HIGD2B: variants seen among roughly 807,000 people sequenced by gnomAD.
The protein encoded by HIGD2B is HIG1 domain family member 2B.
For synonymous variants in HIGD2B, 45 were observed against 28.1 expected (o/e 1.60, Z -1.90); for missense variants, 106 against 67.0 (o/e 1.58, Z -2.03).
In HIGD2B at chr15:72,685,934, C is replaced by G; in HGVS notation, c.-309G>C. The G allele has an allele frequency of 1.9e-6, 1 of 539,186 alleles. No individual in the cohort carries two copies. 33.4% of individuals were successfully genotyped at this position (539,186 alleles called of 1,614,324 possible). On this transcript the variant is annotated 5_prime_UTR_variant, in exon 1 of 3. Transcript: ENST00000311755. The stretch of plus-strand genomic sequence containing the variant: ...AGAACTAGGCTGCCATCCCAGGTGG[C>G]TGGCCTACCAGCCAGCGCGGCCGGA...
At chr15:72,676,478 C>T (rs1478763384) in intron 2 of HIGD2B, 91 bp from the exon 3 acceptor site, 2 of 603,326 alleles carry the variant, frequency 3.3e-6, no homozygotes, top group Non-Finnish European at 5.9e-6. Flanking sequence ...AACCTTGGCT[C>T]ACTGAAACCT....
intron 2 of HIGD2B, among the ~76,000 whole-genome samples, chr15:72,676,802 T>C (rs1595890950): frequency 2.6e-5 from 4 of 152,206 alleles, no homozygotes. Flanking sequence ...CTGCAGGGGT[T>C]AGGAATGGGG....
At chr15:72,679,855 C>T (rs1217913729) in intron 2 of HIGD2B, among the ~76,000 whole-genome samples, 160 bp downstream of exon 2, 1 of 152,104 alleles carries the variant, frequency 6.6e-6, no homozygotes, top group Non-Finnish European at 1.5e-5. Flanking sequence ...GCAGAAAGTA[C>T]CTCTTTCTGC....
chr15:72,684,987 G>A (rs1388012418), intron 1 of HIGD2B, among the ~76,000 whole-genome samples: 1 of 152,170 alleles, frequency 6.6e-6, no homozygotes, highest in Non-Finnish European at 1.5e-5. Context: ...GTTTCACCAT[G>A]CTGGCCAAGC....
Position 72,685,901 on chromosome 15 carries a change from G to T in HIGD2B, c.-276C>A. The T allele has an allele frequency of 2.0e-6, 1 of 498,366 alleles. No homozygotes were observed. Among genetic ancestry groups the T allele is most frequent in the Non-Finnish European group, 3.7e-6 (1 of 272,272 alleles). The allele number at this position is 498,366 out of a possible 1,614,324, so 30.9% of individuals were successfully genotyped here. A position where few individuals can be genotyped will look rare whatever the true frequency, so the allele number is the denominator to read the frequency against. ...CAGATTAGAGTCAGGGCAGGGTAAG[G>T]TGGCGGGAGAACTAGGCTGCCATCC... is the stretch of plus-strand genomic sequence containing the variant. On this transcript the variant is annotated 5_prime_UTR_variant, in exon 1 of 3. Coordinates refer to ENST00000311755, the MANE Select transcript of HIGD2B (RefSeq NM_001350932.3).
intron 1 of HIGD2B, among the ~76,000 whole-genome samples, chr15:72,681,983 G>A (rs2064755309): frequency 6.6e-6 from 1 of 152,164 alleles, no homozygotes; most frequent in Non-Finnish European, 1.5e-5. Flanking sequence ...GCACTACCTT[G>A]ATTATAGACG....
chr15:72,675,983 G>A lies in HIGD2B; in HGVS notation c.*71C>T. ...CCTCTCAAAGGAGAGGAGAGAGTAA[G>A]TCCCATGGTAGGGCCAGTGGTTGCT... On this transcript the variant is annotated 3_prime_UTR_variant, in exon 3 of 3. Coordinates refer to ENST00000311755, the MANE Select transcript of HIGD2B (RefSeq NM_001350932.3). 1 of 655,456 alleles carries A rather than the reference G, an allele frequency of 1.5e-6. No individual in the cohort carries two copies. The highest frequency in any genetic ancestry group is 2.8e-6 in the Non-Finnish European group (1 of 359,664). The allele number at this position is 655,456 out of a possible 1,614,324, so 40.6% of individuals were successfully genotyped here.
intron 1 of HIGD2B, among the ~76,000 whole-genome samples, chr15:72,681,564 G>C (rs190419479): frequency 1.2e-3 from 180 of 149,354 alleles, no homozygotes; most frequent in Non-Finnish European, 1.9e-3. Context: ...CCAGTGAATA[G>C]AAAATCTTGT....
At chr15:72,679,378 A>G (rs1217311892) in intron 2 of HIGD2B, among the ~76,000 whole-genome samples, 1 of 151,058 alleles carries the variant, frequency 6.6e-6, no homozygotes, top group African/African-American at 2.4e-5. Flanking sequence ...AAAAAAAAAA[A>G]AGAGAGAGAG....
chr15:72,679,676 G>A (rs2064728689), intron 2 of HIGD2B, among the ~76,000 whole-genome samples: 1 of 152,000 alleles, frequency 6.6e-6, no homozygotes, highest in African/African-American at 2.4e-5. Flanking sequence ...GAACAGACCA[G>A]CGCTCACACT....
At chr15:72,685,626 G>A (rs2064812759) in intron 1 of HIGD2B, among the ~76,000 whole-genome samples, 192 bp downstream of exon 1, 1 of 152,244 alleles carries the variant, frequency 6.6e-6, no homozygotes, top group African/African-American at 2.4e-5. Flanking sequence ...AACGCCGACT[G>A]TCGTCTCTTT....
chr15:72,682,307 G>A (rs897244516), intron 1 of HIGD2B: 2 of 222,128 alleles, frequency 9.0e-6, no homozygotes, highest in Non-Finnish European at 1.9e-5. Context: ...GTAGAAATAT[G>A]TATTTTAAAA....
At chr15:72,680,255 CAAACTT>C (rs1159332873) in intron 1 of HIGD2B, 62 bp from the exon 2 acceptor site, 2 of 153,476 alleles carry the variant, frequency 1.3e-5, no homozygotes, top group African/African-American at 4.8e-5. Context: ...TTAAAAATAA[CAAACTT>C]AAGTTCTTGT....
intron 1 of HIGD2B, among the ~76,000 whole-genome samples, chr15:72,683,512 A>G (rs1465666516): frequency 6.8e-6 from 1 of 146,748 alleles, no homozygotes; most frequent in Admixed American, 7.0e-5. Flanking sequence ...AACCCCGCCC[A>G]TGAAGAGGAC....
chr15:72,679,741 G>A (rs890317805), intron 2 of HIGD2B, among the ~76,000 whole-genome samples: 1 of 151,996 alleles, frequency 6.6e-6, no homozygotes, highest in Non-Finnish European at 1.5e-5. Flanking sequence ...AAAAACACTT[G>A]CATTTTGGGA....
At chr15:72,677,582 C>T (rs751471447) in intron 2 of HIGD2B, among the ~76,000 whole-genome samples, 3 of 151,704 alleles carry the variant, frequency 2.0e-5, no homozygotes, top group African/African-American at 7.3e-5. Flanking sequence ...GGCAATATAG[C>T]GAGATTCTGT....
intron 1 of HIGD2B, among the ~76,000 whole-genome samples, chr15:72,683,268 G>C (rs2064768188): frequency 6.6e-6 from 1 of 152,222 alleles, no homozygotes; most frequent in Non-Finnish European, 1.5e-5. Flanking sequence ...GTAGAGGAGT[G>C]TTGGGGATTC....
rs996641786 is a variant in HIGD2B at position 72,677,652 on chromosome 15, CT to C, written c.-13-1266del. Among the ~76,000 whole-genome samples the C allele has an allele frequency of 1.2e-3, 183 of 151,724 alleles. 2 individuals carry two copies. The highest frequency in any genetic ancestry group is 4.3e-3 in the African/African-American group (179 of 41,348). On this transcript the variant is annotated intron_variant, in intron 2 of 2. Coordinates refer to ENST00000311755, the MANE Select transcript of HIGD2B (RefSeq NM_001350932.3). ...TAATGCATGCCTGTGATCTCAACTA[CT>C]CAAGAGGCTGAGGCAAGAGGATCAA... is the stretch of plus-strand genomic sequence containing the variant.
intron 1 of HIGD2B, among the ~76,000 whole-genome samples, chr15:72,683,644 C>G (rs1388566463): frequency 6.6e-6 from 1 of 151,886 alleles, no homozygotes; most frequent in African/African-American, 2.4e-5. Context: ...AGCTTGAGAC[C>G]AGCCTAGGTA....
Sources: allele counts gnomAD v4.1 joint callset (sites outside exome capture counted in the v4.1 genomes callset), GRCh38; gene constraint gnomAD v4.1.1; transcripts MANE v1.5; gene names NCBI Gene and HGNC (gene_info 2026-07-23, HGNC 2026-07-21).